The following SYNE2 variants were observed in gnomAD, a reference collection of about 807,000 sequenced individuals.
SYNE2 encodes the protein nesprin-2.
SYNE2 carries 431 observed loss-of-function variants against 856.3 expected under a neutral mutation model. The observed-to-expected ratio is 0.50, with a 90% CI of 0.47 to 0.55. The LOEUF is 0.55. Ranked by LOEUF, SYNE2 falls within the 20% of genes least tolerant of loss-of-function variation. The probability of loss-of-function intolerance (pLI) is 0.00; values close to 1 mark genes in which losing one functional copy is unlikely to be tolerated. For missense variants in SYNE2, 8,129 were observed against 8,023.2 expected (o/e 1.01, Z -0.50); for synonymous variants, 2,923 against 2,872.3 (o/e 1.02, Z -0.56).
chr14:64,159,387 C>G lies in SYNE2; in HGVS notation c.16039C>G (p.Leu5347Val). Residue 5347 changes from leucine (L) to valine (V), a missense_variant, in exon 87 of 116, where the codon CTC becomes GTC. Leu to Val is a conservative substitution (Grantham distance 32). Around this residue, in one of 3 missense-constraint regions of SYNE2, gnomAD observed 5,410 missense variants for 5,284.8 expected, o/e 1.02. Transcript: ENST00000555002. ...LQEVIGKLKG[L>V]CPSVAEIIEE... ...GGAGGTTATCGGCAAACTCAAAGGTCTCTGCCCCTCTGTTGCTGAAATAAT... is the reference window on the plus strand; with the variant it reads ...GGAGGTTATCGGCAAACTCAAAGGTGTCTGCCCCTCTGTTGCTGAAATAAT... 1 of 1,613,990 alleles carries G rather than the reference C, an allele frequency of 6.2e-7. No homozygotes were observed. The highest frequency in any genetic ancestry group is 8.5e-7 in the Non-Finnish European group (1 of 1,179,910).
chr14:63,977,715 A>G (rs2096555152), intron 12 of SYNE2, among the ~76,000 whole-genome samples, 190 bp from the exon 13 acceptor site: 1 of 152,090 alleles, frequency 6.6e-6, no homozygotes, highest in South Asian at 2.1e-4. Context: ...AGCTATGATC[A>G]TGCCACTGCA....
chr14:64,083,713 A>T (rs2097540358), intron 57 of SYNE2, among the ~76,000 whole-genome samples: 1 of 152,186 alleles, frequency 6.6e-6, no homozygotes, highest in Non-Finnish European at 1.5e-5. Context: ...TTTCTAGCAT[A>T]TTCAGGTATT....
intron 90 of SYNE2, 85 bp downstream of exon 90, chr14:64,165,495 T>C: frequency 3.5e-6 from 5 of 1,421,482 alleles, no homozygotes; most frequent in Non-Finnish European, 4.9e-6. Context: ...ACTTATGGAA[T>C]GCTTGCATCC....
At chr14:63,924,558 TG>T (rs2095636935) in intron 2 of SYNE2, among the ~76,000 whole-genome samples, 1 of 152,198 alleles carries the variant, frequency 6.6e-6, no homozygotes, top group Admixed American at 6.5e-5. Context: ...TAGTTTTCAT[TG>T]AATAAGTCTT....
chr14:64,121,596 T>C (rs1354886399), intron 68 of SYNE2, among the ~76,000 whole-genome samples: 1 of 152,238 alleles, frequency 6.6e-6, no homozygotes, highest in Non-Finnish European at 1.5e-5. Flanking sequence ...TGTGGGTGTT[T>C]GTGTGTGTGC....
At chr14:63,777,561 C>A (rs1887156292) in intron 1 of SYNE2, among the ~76,000 whole-genome samples, 1 of 152,104 alleles carries the variant, frequency 6.6e-6, no homozygotes, top group Non-Finnish European at 1.5e-5. Context: ...AGTCTGAGAC[C>A]TTCAGCTTTG....
At chr14:64,152,812 C>T in intron 85 of SYNE2, 96 bp downstream of exon 85, 3 of 1,479,152 alleles carry the variant, frequency 2.0e-6, no homozygotes, top group South Asian at 1.2e-5. Flanking sequence ...CATGGAGACT[C>T]TCTATACCAA....
At chr14:63,968,455 C>G (rs932044430) in intron 11 of SYNE2, among the ~76,000 whole-genome samples, 4 of 152,128 alleles carry the variant, frequency 2.6e-5, no homozygotes, top group African/African-American at 4.8e-5. Context: ...GGCGGCTTCT[C>G]TACTATCATG....
At position 64,018,752 on chromosome 14, in the gene SYNE2, G is replaced by A. The variant is rs75400764; in HGVS notation, c.5049+996G>A. On this transcript the variant is annotated intron_variant, in intron 34 of 115. Transcript: ENST00000555002. ...ATAGTTAACCTCCGATCTAGACCAT[G>A]ATTTTAGACGGCCTTCTTCATATTT... is the stretch of plus-strand genomic sequence containing the variant. 1.8e-4 allele frequency among the ~76,000 whole-genome samples: 28 copies of A among 152,288 alleles called. No individual in the cohort carries two copies. In the East Asian group the frequency reaches 4.6e-3, roughly 25 times the overall value.
chr14:63,942,591 G>C (rs12893339), intron 6 of SYNE2, among the ~76,000 whole-genome samples: 29,496 of 151,928 alleles, frequency 0.19, 3,259 homozygotes, highest in African/African-American at 0.31. Flanking sequence ...CACCTCCCAG[G>C]TTCGAGTGAT....
At chr14:63,978,725 A>C in intron 13 of SYNE2, 127 bp from the exon 14 acceptor site, 1 of 708,714 alleles carries the variant, frequency 1.4e-6, no homozygotes, top group Non-Finnish European at 2.3e-6. Context: ...AAAGACAATG[A>C]TACATCTGAG....
At chr14:64,008,205 C>T (rs1355669564) in intron 31 of SYNE2, among the ~76,000 whole-genome samples, 4 of 152,202 alleles carry the variant, frequency 2.6e-5, no homozygotes, top group East Asian at 3.8e-4. Flanking sequence ...CCCTGCCTCC[C>T]TCTCAAGAGG....
At chr14:63,864,017 T>A (rs186883665) in intron 1 of SYNE2, among the ~76,000 whole-genome samples, 1 of 152,246 alleles carries the variant, frequency 6.6e-6, no homozygotes, top group Admixed American at 6.5e-5. Flanking sequence ...GAAACGGGGT[T>A]AGCCAGGCTG....
intron 110 of SYNE2, 28 bp downstream of exon 110, chr14:64,219,438 G>A (rs1567684036): frequency 6.2e-7 from 1 of 1,609,576 alleles, no homozygotes; most frequent in East Asian, 2.2e-5. Context: ...TGGGGAAGAG[G>A]GATTCAGAAT....
rs149546014 is a variant in SYNE2, at chr14:64,097,991, C to G, written c.12151C>G (p.Gln4051Glu). 74 of 1,614,062 alleles carry G rather than the reference C, an allele frequency of 4.6e-5. No homozygotes were observed. The highest frequency in any genetic ancestry group is 5.9e-5 in the Non-Finnish European group (70 of 1,180,044). ...GGAGAAACAGATTCTGAGTTTGAAC[C>G]AGAGAAAAGAAGACCTGTTGGTGGA... ...RMEKQILSLN[Q>E]RKEDLLVDLK... The change falls in exon 62 of 116, where the codon CAG (glutamine) becomes GAG (glutamate). Residue 4051 changes from glutamine to glutamate, a missense_variant. By Grantham distance (29) the Gln-to-Glu change is conservative (BLOSUM62 2). Coordinates refer to ENST00000555002, the MANE Select transcript of SYNE2 (RefSeq NM_182914.3).
At chr14:64,189,964 ATTT>A (rs11423254) in intron 98 of SYNE2, 104 bp from the exon 99 acceptor site, 815 of 1,174,548 alleles carry the variant, frequency 6.9e-4, no homozygotes, top group Non-Finnish European at 7.8e-4. Context: ...TGCCTGGCCA[ATTT>A]TTTTTTTTTT....
At chr14:63,885,514 C>T (rs2094962314) in intron 1 of SYNE2, among the ~76,000 whole-genome samples, 1 of 152,100 alleles carries the variant, frequency 6.6e-6, no homozygotes, top group African/African-American at 2.4e-5. Flanking sequence ...ATGTTTTTTC[C>T]AATTTTCTAT....
At chr14:63,982,903 G>A (rs972293999) in intron 17 of SYNE2, 109 bp downstream of exon 17, 105 of 1,103,948 alleles carry the variant, frequency 9.5e-5, no homozygotes, top group Non-Finnish European at 1.4e-4. Context: ...GCACAGTTAC[G>A]TAGCCATTAC....
chr14:64,147,957 G>T (rs564890215), intron 84 of SYNE2, among the ~76,000 whole-genome samples: 2 of 152,148 alleles, frequency 1.3e-5, no homozygotes, highest in Non-Finnish European at 2.9e-5. Context: ...CCAATCCATG[G>T]ATCTTGAGTA....
Sources: allele counts gnomAD v4.1 joint callset (sites outside exome capture counted in the v4.1 genomes callset), GRCh38; gene constraint gnomAD v4.1.1; regional missense constraint gnomAD v4.1.1; transcripts MANE v1.5; gene names NCBI Gene and HGNC (gene_info 2026-07-23, HGNC 2026-07-21).